HIVEP1: variants seen among roughly 807,000 people sequenced by gnomAD.
HIVEP1 encodes zinc finger protein 40.
HIVEP1 carries 36 observed loss-of-function variants against 180.0 expected under a neutral mutation model. The ratio of observed to expected loss-of-function variants is 0.20; its 90% CI spans 0.15 to 0.26. The LOEUF (loss-of-function observed/expected upper bound fraction) is 0.26, where lower values mean the gene tolerates loss of function less well. Ranked by LOEUF, HIVEP1 falls within the 10% of genes least tolerant of loss-of-function variation. The probability of loss-of-function intolerance (pLI) is 1.00; values close to 1 mark genes in which losing one functional copy is unlikely to be tolerated. For synonymous variants in HIVEP1, 1,239 were observed against 1,239.0 expected (o/e 1.00, Z 0.00); for missense variants, 3,143 against 3,268.7 (o/e 0.96, Z 0.94).
At chr6:12,021,485 ATCC>A (rs1436293149) in intron 2 of HIVEP1, among the ~76,000 whole-genome samples, 1 of 152,066 alleles carries the variant, frequency 6.6e-6, no homozygotes, top group Non-Finnish European at 1.5e-5. Flanking sequence ...CTTGTCAGAT[ATCC>A]TCCTCCCCTC....
At chr6:12,039,641 T>C (rs1032333467) in intron 2 of HIVEP1, among the ~76,000 whole-genome samples, 9 of 152,220 alleles carry the variant, frequency 5.9e-5, no homozygotes, top group South Asian at 2.1e-4. Flanking sequence ...CAGAGGCTTA[T>C]AATCAAGTAG....
At chr6:12,076,909 G>A (rs576574033) in intron 2 of HIVEP1, among the ~76,000 whole-genome samples, 5 of 152,194 alleles carry the variant, frequency 3.3e-5, no homozygotes, top group Admixed American at 6.5e-5. Context: ...GCTACTTAAC[G>A]TTACATGAGA....
intron 5 of HIVEP1, among the ~76,000 whole-genome samples, chr6:12,130,282 G>C (rs556136010): frequency 2.0e-5 from 3 of 152,292 alleles, no homozygotes; most frequent in African/African-American, 7.2e-5. Flanking sequence ...TTATAGTAAA[G>C]CTCCAAAATA....
chr6:12,175,354 G>T, the HIVEP1 span, among the ~76,000 whole-genome samples: 2 of 152,128 alleles, frequency 1.3e-5, no homozygotes, highest in South Asian at 2.1e-4. Context: ...TCATCTGTAA[G>T]TTAGGGCAAA....
Position 12,107,779 on chromosome 6 carries a change from C to T in HIVEP1, c.95-12111C>T, listed in dbSNP as rs568027496. Among the ~76,000 whole-genome samples the T allele has an allele frequency of 2.0e-5, 3 of 152,298 alleles. No homozygotes were observed. The East Asian group carries it at 5.8e-4, about 29-fold the overall frequency. ...GTAGAAGGGGACCCGAGCGGGTTGC[C>T]ACTGCTGGCTCGGGCAGCCTGCTTT... On this transcript the variant is annotated intron_variant, in intron 3 of 8. Coordinates refer to ENST00000379388, the MANE Select transcript of HIVEP1 (RefSeq NM_002114.4).
the HIVEP1 span, among the ~76,000 whole-genome samples, chr6:12,208,432 AC>A: frequency 1.3e-5 from 2 of 151,810 alleles, no homozygotes; most frequent in African/African-American, 4.8e-5. Flanking sequence ...GAGTCTCATA[AC>A]CAGACTCGCG....
intron 2 of HIVEP1, among the ~76,000 whole-genome samples, chr6:12,085,206 A>G (rs1773040976): frequency 6.6e-6 from 1 of 152,116 alleles, no homozygotes; most frequent in Non-Finnish European, 1.5e-5. Context: ...CACAACGTTT[A>G]CTGGTGGTAC....
At chr6:12,207,716 G>A in the HIVEP1 span, among the ~76,000 whole-genome samples, 7 of 94,810 alleles carry the variant, frequency 7.4e-5, no homozygotes, top group African/African-American at 2.0e-4. Context: ...ACCAGCCTGG[G>A]CAATACAGCA....
chr6:12,012,353 C>T lies in HIVEP1; in HGVS notation c.-317C>T. On this transcript the variant is annotated 5_prime_UTR_variant, in exon 1 of 9. Transcript: ENST00000379388. ...CAGCGTGGCGGCTGCTGGGCGGCGG[C>T]AGGGTGGCGGACGGAGCGGGGGACC... is the stretch of plus-strand genomic sequence containing the variant. 1 of 151,058 alleles carries T rather than the reference C, an allele frequency of 6.6e-6. No homozygotes were observed. Among genetic ancestry groups the T allele is most frequent in the African/African-American group, 2.4e-5 (1 of 41,268 alleles). The allele number at this position is 151,058 out of a possible 1,614,324, so 9.4% of individuals were successfully genotyped here.
At position 12,015,666 on chromosome 6, in the gene HIVEP1, G is replaced by A. The variant is rs756884901; in HGVS notation, c.38G>A (p.Arg13Lys). The change falls in exon 2 of 9, where the codon AGA becomes AAA. Residue 13 changes from arginine to lysine, a missense_variant and splice_region_variant. Around this residue, in one of 12 missense-constraint regions of HIVEP1, gnomAD observed 114 missense variants for 134.5 expected, o/e 0.85. Transcript: ENST00000379388. ...AAACAAATTCATCCCAGAAATCTAA[G>A]AGGTAAAGCATTGCATTAAGTAGAA... ...RTKQIHPRNLRDKIEEAQKEL... is the reference protein window; with the variant it reads ...RTKQIHPRNLKDKIEEAQKEL... 1 of 1,613,402 alleles carries A rather than the reference G, an allele frequency of 6.2e-7. No homozygotes were observed. Among genetic ancestry groups the A allele is most frequent in the Non-Finnish European group, 8.5e-7 (1 of 1,179,454 alleles).
chr6:12,056,459 C>T (rs1448494536), intron 2 of HIVEP1, among the ~76,000 whole-genome samples: 1 of 152,012 alleles, frequency 6.6e-6, no homozygotes, highest in Non-Finnish European at 1.5e-5. Context: ...ATTTGTTGTA[C>T]ATTTGAAAGT....
intron 2 of HIVEP1, among the ~76,000 whole-genome samples, chr6:12,044,603 C>T (rs1445154534): frequency 6.6e-6 from 1 of 151,618 alleles, no homozygotes; most frequent in Non-Finnish European, 1.5e-5. Flanking sequence ...CAGCTGAGGG[C>T]TCACTGTGCC....
At chr6:12,094,379 A>T (rs1221053883) in intron 3 of HIVEP1, among the ~76,000 whole-genome samples, 1 of 151,934 alleles carries the variant, frequency 6.6e-6, no homozygotes, top group African/African-American at 2.4e-5. Context: ...TTGGTATCTT[A>T]GACTTGCTCC....
intron 4 of HIVEP1, among the ~76,000 whole-genome samples, chr6:12,127,255 A>G (rs915307283): frequency 4.6e-5 from 7 of 152,250 alleles, no homozygotes; most frequent in African/African-American, 1.7e-4. Context: ...GGCCTGGTTA[A>G]AAAGAGTTAT....
intron 2 of HIVEP1, among the ~76,000 whole-genome samples, chr6:12,082,783 A>G (rs996582615): frequency 1.1e-4 from 16 of 152,154 alleles, no homozygotes; most frequent in Admixed American, 1.0e-3. Flanking sequence ...AAGTTCCTGC[A>G]TGCAGGGTTG....
rs184158530 is a variant in HIVEP1 at position 12,103,904 on chromosome 6, A to G, written c.94+14667A>G. Among the ~76,000 whole-genome samples, 3 of 152,214 alleles carry G rather than the reference A, an allele frequency of 2.0e-5. No homozygotes were observed. The East Asian group carries it at 5.8e-4, about 29-fold the overall frequency. On this transcript the variant is annotated intron_variant, in intron 3 of 8. Coordinates refer to ENST00000379388, the MANE Select transcript of HIVEP1 (RefSeq NM_002114.4). The stretch of plus-strand genomic sequence containing the variant: ...GTTGTGGCAAATTCTTTCAAGTGTC[A>G]TATATTAGAAAAGGTCTATTTCACT...
At chr6:12,168,724 G>C (rs1220949801), downstream of HIVEP1, among the ~76,000 whole-genome samples, 1 of 151,848 alleles carries the variant, frequency 6.6e-6, no homozygotes, top group Non-Finnish European at 1.5e-5. Context: ...ACACACTACA[G>C]TGCACTGTAT....
intron 7 of HIVEP1, among the ~76,000 whole-genome samples, chr6:12,146,020 A>G (rs779787282): frequency 7.2e-5 from 11 of 152,262 alleles, no homozygotes; most frequent in Non-Finnish European, 1.5e-4. Context: ...CATGCTTCAT[A>G]TGTTTGAGCC....
chr6:12,137,514 A>G (rs1326587284), intron 7 of HIVEP1, among the ~76,000 whole-genome samples: 1 of 152,152 alleles, frequency 6.6e-6, no homozygotes, highest in Non-Finnish European at 1.5e-5. Context: ...CTAATTCCCT[A>G]TTTAGATTAG....
Sources: gnomAD v4.1 joint callset for allele counts (sites outside exome capture counted in the v4.1 genomes callset) on GRCh38, gnomAD v4.1.1 for gene constraint, gnomAD v4.1.1 regional missense constraint, MANE v1.5 for transcripts, NCBI Gene and HGNC (gene_info 2026-07-23, HGNC 2026-07-21) for gene names.